Variants in ITPR2 observed in about 807,000 individuals in gnomAD.
ITPR2 encodes inositol 1,4,5-trisphosphate receptor type 2.
A neutral mutation model predicts 317.1 loss-of-function variants in ITPR2; 207 were observed. The observed-to-expected ratio is 0.65, with a 90% CI of 0.58 to 0.73. ITPR2 has a LOEUF of 0.73. Among genes scored for constraint, ITPR2 ranks in the 30% least tolerant of loss-of-function variants. The pLI, the probability that ITPR2 is intolerant of heterozygous loss-of-function variation, is 0.00. For missense variants in ITPR2, 2,613 were observed against 3,284.0 expected (o/e 0.80, Z 4.99); for synonymous variants, 1,156 against 1,149.1 (o/e 1.01, Z -0.12).
At position 26,585,695 on chromosome 12, in the gene ITPR2, A is replaced by T. The variant is rs541436221; in HGVS notation, c.4381-5540T>A. Among the ~76,000 whole-genome samples the T allele has an allele frequency of 2.4e-3, 361 of 152,250 alleles. 1 individual carries two copies. Among genetic ancestry groups the T allele is most frequent in the African/African-American group, 8.4e-3 (348 of 41,548 alleles). On this transcript the variant is annotated intron_variant, in intron 32 of 56. Transcript: ENST00000381340. Reference sequence around the variant, plus strand: ...ACTGGGATTACAGGTCTGAGCCACTACACCCGACCCTTTATAGCATTTCTA... The same window carrying T: ...ACTGGGATTACAGGTCTGAGCCACTTCACCCGACCCTTTATAGCATTTCTA...
intron 2 of ITPR2, among the ~76,000 whole-genome samples, chr12:26,734,410 T>A (rs1949081776): frequency 6.6e-6 from 1 of 152,154 alleles, no homozygotes; most frequent in Non-Finnish European, 1.5e-5. Context: ...CAAAAATGTG[T>A]TAAAAGAGAC....
chr12:26,659,333 A>G lies in ITPR2; in HGVS notation c.1714-48T>C, dbSNP rs758926205. On this transcript the variant is annotated intron_variant, in intron 15 of 56. Transcript: ENST00000381340. ...GAATGCACTGCCAAACAGCTTACAA[A>G]TAACAGGTTCTATTAGGGTCAACAA... The G allele has an allele frequency of 5.3e-6, 8 of 1,497,340 alleles. No individual in the cohort carries two copies. The African/African-American group carries it at 1.1e-4, about 21-fold the overall frequency. 92.8% of individuals were successfully genotyped at this position (1,497,340 alleles called of 1,614,324 possible).
chr12:26,546,590 C>T (rs1466928291), intron 37 of ITPR2, among the ~76,000 whole-genome samples: 1 of 151,934 alleles, frequency 6.6e-6, no homozygotes, highest in African/African-American at 2.4e-5. Context: ...TTGGAATAGC[C>T]AAAGCAATCC....
chr12:26,486,628 A>T (rs12826706), intron 40 of ITPR2, among the ~76,000 whole-genome samples: 5,634 of 152,316 alleles, frequency 0.037, 147 homozygotes, highest in Non-Finnish European at 0.058. Context: ...TATGAGTTTC[A>T]TATTCAAGGA....
At chr12:26,745,182 CAT>C (rs1394876715) in intron 2 of ITPR2, among the ~76,000 whole-genome samples, 1 of 152,192 alleles carries the variant, frequency 6.6e-6, no homozygotes, top group Non-Finnish European at 1.5e-5. Context: ...TAGATGAAAA[CAT>C]GAGAACATAA....
chr12:26,414,044 T>C (rs1334391210), intron 51 of ITPR2, among the ~76,000 whole-genome samples: 1 of 67,232 alleles, frequency 1.5e-5, no homozygotes, highest in Non-Finnish European at 2.7e-5. Flanking sequence ...TCTACATGTA[T>C]ATATGTACAC....
chr12:26,638,223 C>A (rs1946906234), intron 21 of ITPR2, among the ~76,000 whole-genome samples: 1 of 152,162 alleles, frequency 6.6e-6, no homozygotes, highest in Non-Finnish European at 1.5e-5. Flanking sequence ...TATTCCAAAT[C>A]TCAAGATTTC....
chr12:26,449,760 G>T (rs1328892647), intron 45 of ITPR2, among the ~76,000 whole-genome samples: 1 of 152,154 alleles, frequency 6.6e-6, no homozygotes, highest in Non-Finnish European at 1.5e-5. Context: ...GCAATGAGAA[G>T]AGGACTAGAA....
intron 2 of ITPR2, among the ~76,000 whole-genome samples, chr12:26,749,464 T>G (rs955308388): frequency 2.0e-5 from 3 of 152,354 alleles, no homozygotes; most frequent in Admixed American, 6.5e-5. Flanking sequence ...GAAATACTGA[T>G]GTGGTCCAAT....
At chr12:26,347,795 A>G (rs904573736) in intron 55 of ITPR2, among the ~76,000 whole-genome samples, 1 of 152,238 alleles carries the variant, frequency 6.6e-6, no homozygotes, top group Non-Finnish European at 1.5e-5. Flanking sequence ...CCCTCTAGGT[A>G]TGGTATCACG....
chr12:26,649,773 C>CTAGA (rs71069259), intron 21 of ITPR2, among the ~76,000 whole-genome samples: 6,638 of 147,438 alleles, frequency 0.045, 153 homozygotes, highest in Middle Eastern at 0.069. Context: ...GATAGATAGA[C>CTAGA]TAGATAGATA....
intron 2 of ITPR2, among the ~76,000 whole-genome samples, chr12:26,737,883 T>C (rs1949157142): frequency 6.6e-6 from 1 of 152,230 alleles, no homozygotes; most frequent in Non-Finnish European, 1.5e-5. Context: ...GGAAGCATGA[T>C]GCTCGCTGTG....
chr12:26,695,567 T>C (rs768288915), intron 10 of ITPR2, 39 bp downstream of exon 10: 21 of 1,539,312 alleles, frequency 1.4e-5, no homozygotes, highest in Non-Finnish European at 1.6e-5. Flanking sequence ...ATAATAACAA[T>C]ATGCTGAGAT....
Position 26,575,504 on chromosome 12 carries a change from A to G in ITPR2, c.4630+3209T>C, listed in dbSNP as rs1388853093. Reference sequence around the variant, plus strand: ...TCAGATGGAAGGGACCAACAAGGAAAACGAAGAAGGCATGCCTTCTCACAA... The same window carrying G: ...TCAGATGGAAGGGACCAACAAGGAAGACGAAGAAGGCATGCCTTCTCACAA... On this transcript the variant is annotated intron_variant, in intron 34 of 56. Coordinates refer to ENST00000381340, the MANE Select transcript of ITPR2 (RefSeq NM_002223.4). Among the ~76,000 whole-genome samples the G allele has an allele frequency of 2.6e-5, 4 of 152,048 alleles. No individual in the cohort carries two copies. In the South Asian group the frequency reaches 8.3e-4, roughly 32 times the overall value.
At chr12:26,448,408 CACA>C (rs1941663156) in intron 45 of ITPR2, among the ~76,000 whole-genome samples, 2 of 151,994 alleles carry the variant, frequency 1.3e-5, no homozygotes, top group Admixed American at 1.3e-4. Flanking sequence ...ACTTGTATTC[CACA>C]ACAATATGAG....
chr12:26,535,874 A>G (rs1024061215), intron 37 of ITPR2, among the ~76,000 whole-genome samples: 1 of 152,214 alleles, frequency 6.6e-6, no homozygotes, highest in Non-Finnish European at 1.5e-5. Flanking sequence ...AAAAAGAACA[A>G]CTTATATGTC....
chr12:26,521,634 T>C lies in ITPR2; in HGVS notation c.5074-26374A>G, dbSNP rs375047114. On this transcript the variant is annotated intron_variant, in intron 37 of 56. Transcript: ENST00000381340. The stretch of plus-strand genomic sequence containing the variant: ...ATATCTGTGGTACAAAACAAGACGA[T>C]CTTCGTAAAAAGAGTGGGAGGGAGG... 1.1e-4 allele frequency among the ~76,000 whole-genome samples: 17 copies of C among 152,198 alleles called. No homozygotes were observed. In the East Asian group the frequency reaches 2.3e-3, roughly 21 times the overall value.
chr12:26,348,410 C>T (rs1055571533), intron 55 of ITPR2, among the ~76,000 whole-genome samples: 1 of 152,204 alleles, frequency 6.6e-6, no homozygotes, highest in Non-Finnish European at 1.5e-5. Context: ...AGTTTCTCAC[C>T]TTTGCACCAA....
intron 13 of ITPR2, among the ~76,000 whole-genome samples, chr12:26,681,147 T>C (rs916363579): frequency 3.9e-5 from 6 of 152,218 alleles, no homozygotes; most frequent in African/African-American, 1.4e-4. Context: ...CTTTAAACCA[T>C]ACATGACTGA....
Sources: allele counts gnomAD v4.1 joint callset (sites outside exome capture counted in the v4.1 genomes callset), GRCh38; gene constraint gnomAD v4.1.1; transcripts MANE v1.5; gene names NCBI Gene and HGNC (gene_info 2026-07-23, HGNC 2026-07-21).